ARHGEF1: variants seen among roughly 807,000 people sequenced by gnomAD.
ARHGEF1 encodes 115 kDa guanine nucleotide exchange factor.
ARHGEF1 carries 40 observed loss-of-function variants against 119.7 expected under a neutral mutation model. The ratio of observed to expected loss-of-function variants is 0.33; its 90% CI spans 0.26 to 0.44. The LOEUF is 0.44. ARHGEF1 is among the 20% of genes least tolerant of loss of function. The probability of loss-of-function intolerance (pLI) is 1.00; values close to 1 mark genes in which losing one functional copy is unlikely to be tolerated. For synonymous variants in ARHGEF1, 494 were observed against 521.0 expected (o/e 0.95, Z 0.71); for missense variants, 976 against 1,268.3 (o/e 0.77, Z 3.50).
At chr19:41,896,907 T>TTCTCTCACCTCCCTCTTCC in intron 13 of ARHGEF1, 1 of 255,012 alleles carries the variant, frequency 3.9e-6, no homozygotes, top group South Asian at 2.4e-5. Context: ...CTCCCCTCTC[T>TTCTCTCACCTCCCTCTTCC]TCTCTCACCT....
chr19:41,899,471 G>C (rs1555848589), intron 14 of ARHGEF1, among the ~76,000 whole-genome samples: 1 of 150,704 alleles, frequency 6.6e-6, no homozygotes, highest in Non-Finnish European at 1.5e-5. Flanking sequence ...CTAATTGTGT[G>C]GTGGCTAGGG....
chr19:41,887,266 G>A (rs1429306580), intron 1 of ARHGEF1, among the ~76,000 whole-genome samples: 1 of 152,046 alleles, frequency 6.6e-6, no homozygotes, highest in Non-Finnish European at 1.5e-5. Flanking sequence ...GAAAAATCAG[G>A]AAACAGGGTG....
chr19:41,896,847 C>CTCT (rs2074504139), intron 13 of ARHGEF1: 2 of 332,644 alleles, frequency 6.0e-6, no homozygotes, highest in African/African-American at 7.1e-5. Flanking sequence ...CTCACCTCCC[C>CTCT]CCTCCTCTCT....
Position 41,902,455 on chromosome 19 carries a change from C to A in ARHGEF1, c.1498-78C>A. 6.2e-7 allele frequency: 1 copy of A among 1,611,164 alleles called. No homozygotes were observed. Among genetic ancestry groups the A allele is most frequent in the Middle Eastern group, 1.7e-4 (1 of 6,050 alleles). ...CCCTACTCCAGTCCCAGGGTCTGGG[C>A]TTCCAGCCTGTCGTACTTTAGTCCC... On this transcript the variant is annotated intron_variant, in intron 16 of 28. Transcript: ENST00000354532. This position sits in a 1 kb window ranked among gnomAD's most constrained non-coding sequence, Gnocchi z 6.5.
chr19:41,925,023 G>T (rs1304266655), intron 1 of ARHGEF1, among the ~76,000 whole-genome samples: 1 of 152,200 alleles, frequency 6.6e-6, no homozygotes, highest in Non-Finnish European at 1.5e-5. Flanking sequence ...TGTTTGGGGG[G>T]AGGAAAAGGA....
chr19:41,897,131 C>T (rs1312111243), intron 13 of ARHGEF1: 8 of 398,028 alleles, frequency 2.0e-5, no homozygotes, highest in Admixed American at 5.4e-5. Flanking sequence ...TCCTGGTGCC[C>T]GTCCCTCAAC....
Position 41,896,805 on chromosome 19 carries a change from T to TCC in ARHGEF1, c.1121+326_1121+327dup, listed in dbSNP as rs2074500520. 47 of 355,964 alleles carry TCC rather than the reference T, an allele frequency of 1.3e-4. 2 individuals are homozygous for TCC. The African/African-American group carries it at 1.4e-3, about 11-fold the overall frequency. 22.1% of individuals were successfully genotyped at this position (355,964 alleles called of 1,614,324 possible). ...CTTTATTTCCCCCTCCTCTCTCACCTCCCCTCTCCTCTCTCACCTCCCCCA... is the reference window on the plus strand; with the variant it reads ...CTTTATTTCCCCCTCCTCTCTCACCTCCCCCCTCTCCTCTCTCACCTCCCCCA... On this transcript the variant is annotated intron_variant, in intron 13 of 28. Coordinates refer to ENST00000354532, the MANE Select transcript of ARHGEF1 (RefSeq NM_004706.4).
chr19:41,892,266 G>C lies in ARHGEF1; in HGVS notation c.325-65G>C, dbSNP rs1273418188. On this transcript the variant is annotated intron_variant, in intron 5 of 28. Transcript: ENST00000354532. This position sits in a 1 kb window ranked among gnomAD's most constrained non-coding sequence, Gnocchi z 6.3. ...CTCGCTTAGACCAGGGTTCCTGGCA[G>C]TCCTCCCGGCCTGCATCTCAGCACA... 1 of 1,605,222 alleles carries C rather than the reference G, an allele frequency of 6.2e-7. No homozygotes were observed. Among genetic ancestry groups the C allele is most frequent in the Non-Finnish European group, 8.5e-7 (1 of 1,174,308 alleles).
intron 14 of ARHGEF1, among the ~76,000 whole-genome samples, chr19:41,901,377 C>T (rs1200678999): frequency 3.3e-5 from 5 of 151,966 alleles, no homozygotes; most frequent in Admixed American, 2.0e-4. Context: ...GTCTTGAACT[C>T]CTGACCTTGT....
intron 18 of ARHGEF1, among the ~76,000 whole-genome samples, chr19:41,913,333 C>T (rs2074765901): frequency 6.6e-6 from 1 of 151,704 alleles, no homozygotes; most frequent in South Asian, 2.1e-4. Flanking sequence ...GCTCTCCCGC[C>T]TGACCTCCCG....
In ARHGEF1 at chr19:41,905,483, G is replaced by A. The variant is rs2074677152; in HGVS notation, c.2336+222G>A. 1.5e-5 allele frequency: 9 copies of A among 604,610 alleles called. No homozygotes were observed. Among genetic ancestry groups the A allele is most frequent in the African/African-American group, 2.2e-5 (1 of 46,120 alleles). The allele number at this position is 604,610 out of a possible 1,614,324, so 37.5% of individuals were successfully genotyped here. A position where few individuals can be genotyped will look rare whatever the true frequency, so the allele number is the denominator to read the frequency against. On this transcript the variant is annotated intron_variant, in intron 24 of 28. Coordinates refer to ENST00000354532, the MANE Select transcript of ARHGEF1 (RefSeq NM_004706.4). This position sits in a 1 kb window ranked among gnomAD's most constrained non-coding sequence, Gnocchi z 6.4. ...GTGTGCATGTGTGTGCGTGTATGGT[G>A]TGTGTGTATGCATATGTGTGCATGC...
chr19:41,917,411 G>A lies in ARHGEF1; in HGVS notation c.1866-5681G>A, dbSNP rs1599676754. ...TGTTTTGATTTCTCTAAGCTGCGCC[G>A]GCCGCCTCGGGAGCCGCCTCGGGCC... On this transcript the variant is annotated intron_variant, in intron 18 of 20. Transcript: ENST00000599589. The surrounding 1 kb of genome is among the most constrained non-coding windows in gnomAD (Gnocchi z 4.8). 6.6e-6 allele frequency among the ~76,000 whole-genome samples: 1 copy of A among 151,776 alleles called. No homozygotes were observed. Among genetic ancestry groups the A allele is most frequent in the Non-Finnish European group, 1.5e-5 (1 of 67,946 alleles).
At chr19:41,919,815 T>C (rs11881986), upstream of ARHGEF1, among the ~76,000 whole-genome samples, 40,333 of 151,672 alleles carry the variant, frequency 0.27, 11,559 homozygotes, top group African/African-American at 0.72. Flanking sequence ...CCCTGAGGCC[T>C]ACCCTGCACA....
intron 1 of ARHGEF1, among the ~76,000 whole-genome samples, chr19:41,886,574 C>T (rs2074297181): frequency 6.6e-6 from 1 of 152,308 alleles, no homozygotes; most frequent in African/African-American, 2.4e-5. Context: ...AACCACCTCA[C>T]CTGGCCAGTT....
In ARHGEF1 at chr19:41,906,179, G is replaced by A. The variant is rs2303798; in HGVS notation, c.2491+154G>A. 0.075 allele frequency: 54,771 copies of A among 729,600 alleles called. 11,079 individuals are homozygous for A. Among genetic ancestry groups the A allele is most frequent in the African/African-American group, 0.58 (32,621 of 56,098 alleles). The allele number at this position is 729,600 out of a possible 1,614,324, so 45.2% of individuals were successfully genotyped here. A position where few individuals can be genotyped will look rare whatever the true frequency, so the allele number is the denominator to read the frequency against. ...CCCAGCCTGCACCACTGTCCTGGGT[G>A]CCCACGTCCCTCTTCTGCAGCCACC... On this transcript the variant is annotated intron_variant, in intron 26 of 28. Transcript: ENST00000354532. The surrounding 1 kb of genome is among the most constrained non-coding windows in gnomAD (Gnocchi z 4.5).
At chr19:41,910,893 C>T (rs958080425), downstream of ARHGEF1, among the ~76,000 whole-genome samples, 3 of 151,936 alleles carry the variant, frequency 2.0e-5, no homozygotes, top group African/African-American at 7.3e-5. The surrounding 1 kb of genome is among the most constrained non-coding windows in gnomAD (Gnocchi z 4.4). Context: ...CTCAAGGTCA[C>T]GTCATCTCAA....
At chr19:41,897,526 G>A (rs547592102) in intron 13 of ARHGEF1, 126 of 269,626 alleles carry the variant, frequency 4.7e-4, no homozygotes, top group African/African-American at 3.3e-3. Context: ...CCCTGCCTCA[G>A]GGAAGGGAGG....
chr19:41,913,155 C>G (rs898018023), intron 18 of ARHGEF1, among the ~76,000 whole-genome samples: 2 of 152,018 alleles, frequency 1.3e-5, no homozygotes, highest in Admixed American at 1.3e-4. Context: ...AGCCTCTCCT[C>G]CCGCAGCCTC....
intron 13 of ARHGEF1, chr19:41,898,132 T>TGG: frequency 1.8e-5 from 25 of 1,398,712 alleles, no homozygotes; most frequent in Admixed American, 6.7e-5. Flanking sequence ...ACCCTCTCCC[T>TGG]TCCCCCATCC....
Sources: allele counts gnomAD v4.1 joint callset (sites outside exome capture counted in the v4.1 genomes callset), GRCh38; gene constraint gnomAD v4.1.1; non-coding constraint Gnocchi (gnomAD v3.1); transcripts MANE v1.5; gene names NCBI Gene and HGNC (gene_info 2026-07-23, HGNC 2026-07-21).